The following FGF1 variants were observed in gnomAD, a reference collection of about 807,000 sequenced individuals.
The protein encoded by FGF1 is beta-endothelial cell growth factor.
In FGF1, 9 loss-of-function variants were observed where a neutral mutation model predicts 13.4. That is an observed-to-expected ratio of 0.67 (90% CI 0.40 to 1.17). The LOEUF (loss-of-function observed/expected upper bound fraction) is 1.17. FGF1 is among the 50% of genes most tolerant of loss of function. FGF1 has a pLI of 0.01. For missense variants in FGF1, 156 were observed against 192.7 expected, an observed-to-expected ratio of 0.81 and a Z score of 1.13; for synonymous variants, 93 against 79.0, an observed-to-expected ratio of 1.18 and a Z score of -0.94.
intron 1 of FGF1, among the ~76,000 whole-genome samples, chr5:142,635,518 G>A (rs2151938482): frequency 6.6e-6 from 1 of 152,328 alleles, no homozygotes; most frequent in Non-Finnish European, 1.5e-5. Context: ...CATGTCCGAA[G>A]TCAAGCTTAT....
At chr5:142,679,623 C>T (rs1773342556) in intron 1 of FGF1, among the ~76,000 whole-genome samples, 1 of 152,148 alleles carries the variant, frequency 6.6e-6, no homozygotes, top group Non-Finnish European at 1.5e-5. Context: ...CATCCCAATC[C>T]CCTCTCCCTT....
intron 1 of FGF1, among the ~76,000 whole-genome samples, chr5:142,657,120 T>C (rs1257568421): frequency 6.6e-6 from 1 of 152,192 alleles, no homozygotes; most frequent in East Asian, 1.9e-4. Context: ...TTTCACCATA[T>C]TGGCCAGGCT....
At chr5:142,600,858 T>C in intron 2 of FGF1, 53 bp from the exon 3 acceptor site, 6 of 1,359,942 alleles carry the variant, frequency 4.4e-6, no homozygotes, top group Non-Finnish European at 5.2e-6. Flanking sequence ...CTTTTGCCGA[T>C]AGGACCCGGC....
In FGF1 at chr5:142,595,135, A is replaced by T. The variant is rs971186214; in HGVS notation, c.*155T>A. Reference sequence around the variant, plus strand: ...TGCAGGGGTAAAAGGCTCTGCAAAGAAGTGAACTGGGCATTTAGAAGCAAG... The same window carrying T: ...TGCAGGGGTAAAAGGCTCTGCAAAGTAGTGAACTGGGCATTTAGAAGCAAG... On this transcript the variant is annotated 3_prime_UTR_variant, in exon 4 of 4. Transcript: ENST00000337706. 1.6e-6 allele frequency: 1 copy of T among 625,480 alleles called. No individual in the cohort carries two copies. Among genetic ancestry groups the T allele is most frequent in the East Asian group, 2.8e-5 (1 of 36,316 alleles). 38.7% of individuals were successfully genotyped at this position (625,480 alleles called of 1,614,324 possible). A position where few individuals can be genotyped will look rare whatever the true frequency, so the allele number is the denominator to read the frequency against.
intron 1 of FGF1, among the ~76,000 whole-genome samples, chr5:142,651,578 T>A (rs551422745): frequency 6.6e-6 from 1 of 152,324 alleles, no homozygotes; most frequent in South Asian, 2.1e-4. Flanking sequence ...TATAGTGACG[T>A]ATATCTACCA....
chr5:142,675,904 G>A (rs1368654369), intron 1 of FGF1, among the ~76,000 whole-genome samples: 1 of 152,186 alleles, frequency 6.6e-6, no homozygotes, highest in Non-Finnish European at 1.5e-5. Context: ...GGCTGGTTGG[G>A]AACCCCAAAG....
chr5:142,603,661 C>G (rs1045801822), intron 2 of FGF1, among the ~76,000 whole-genome samples: 1 of 152,152 alleles, frequency 6.6e-6, no homozygotes, highest in African/African-American at 2.4e-5. Context: ...GATGATTCTC[C>G]TGGCCCATTA....
chr5:142,627,935 T>G (rs769458255), intron 1 of FGF1, among the ~76,000 whole-genome samples: 10 of 152,186 alleles, frequency 6.6e-5, no homozygotes, highest in Non-Finnish European at 1.5e-4. Flanking sequence ...TGCTCCCTGT[T>G]TCAGCACCAC....
chr5:142,662,529 A>G (rs1769451883), intron 1 of FGF1, among the ~76,000 whole-genome samples: 1 of 152,238 alleles, frequency 6.6e-6, no homozygotes, highest in Non-Finnish European at 1.5e-5. Context: ...CATGCTTAAC[A>G]CAAGGCTTGA....
rs190862613 is a variant in FGF1, at chr5:142,614,645, G to A, written c.-34-484C>T. 2.0e-4 allele frequency among the ~76,000 whole-genome samples: 30 copies of A among 152,272 alleles called. No individual in the cohort carries two copies. The East Asian group carries it at 4.4e-3, about 23-fold the overall frequency. On this transcript the variant is annotated intron_variant, in intron 1 of 3. Transcript: ENST00000337706. ...AGCAGATAGCACAGATGGCCTGGAC[G>A]TTCGGGACCTGCAGCCAAAGGCACA...
At chr5:142,678,703 A>C (rs1319284694) in intron 1 of FGF1, among the ~76,000 whole-genome samples, 3 of 152,214 alleles carry the variant, frequency 2.0e-5, no homozygotes, top group Non-Finnish European at 2.9e-5. Flanking sequence ...CTTCAGGCAA[A>C]GTACAGGCAG....
At chr5:142,674,690 G>T (rs11949141) in intron 1 of FGF1, among the ~76,000 whole-genome samples, 2 of 152,014 alleles carry the variant, frequency 1.3e-5, no homozygotes, top group African/African-American at 4.8e-5. Flanking sequence ...CACGACTCCC[G>T]ATTAGTCACC....
At chr5:142,694,279 G>T (rs1480143535) in intron 2 of FGF1, among the ~76,000 whole-genome samples, 1 of 150,506 alleles carries the variant, frequency 6.6e-6, no homozygotes, top group Non-Finnish European at 1.5e-5. Flanking sequence ...CAAAGGTCAC[G>T]ACTCACTCTC....
intron 2 of FGF1, among the ~76,000 whole-genome samples, chr5:142,605,951 G>A (rs1757563975): frequency 6.6e-6 from 1 of 152,162 alleles, no homozygotes; most frequent in South Asian, 2.1e-4. Context: ...AAGAGAGGGA[G>A]GGGCTGGCCA....
intron 2 of FGF1, among the ~76,000 whole-genome samples, chr5:142,605,273 G>GTTT (rs768402598): frequency 2.4e-5 from 3 of 123,244 alleles, no homozygotes; most frequent in Non-Finnish European, 3.4e-5. Context: ...TGCCTGGCTA[G>GTTT]TTTTTTTTTT....
intron 2 of FGF1, 137 bp from the exon 3 acceptor site, chr5:142,600,942 T>C (rs1173801081): frequency 1.5e-6 from 1 of 649,076 alleles, no homozygotes; most frequent in Non-Finnish European, 2.8e-6. Context: ...CTCAGATTAA[T>C]CAAAACATAG....
chr5:142,693,257 A>G (rs1320519550), intron 2 of FGF1, among the ~76,000 whole-genome samples: 1 of 152,064 alleles, frequency 6.6e-6, no homozygotes, highest in Non-Finnish European at 1.5e-5. Context: ...AATTATTTCA[A>G]TAGCAGTGGT....
chr5:142,632,189 T>G (rs1176434301), intron 1 of FGF1, among the ~76,000 whole-genome samples: 4 of 152,220 alleles, frequency 2.6e-5, no homozygotes, highest in South Asian at 2.1e-4. Context: ...GCAATGGCAT[T>G]GACTTCTGCT....
chr5:142,601,630 C>A (rs1756596936), intron 2 of FGF1, among the ~76,000 whole-genome samples: 1 of 152,140 alleles, frequency 6.6e-6, no homozygotes, highest in Admixed American at 6.5e-5. Flanking sequence ...GGGGCGGGTG[C>A]TACTGGCATC....
Sources: gnomAD v4.1 joint callset for allele counts (sites outside exome capture counted in the v4.1 genomes callset) on GRCh38, gnomAD v4.1.1 for gene constraint, MANE v1.5 for transcripts, NCBI Gene and HGNC (gene_info 2026-07-23, HGNC 2026-07-21) for gene names.